Variants in PAPOLA observed in about 807,000 individuals in gnomAD.
PAPOLA encodes poly(A) polymerase alpha, also known as polynucleotide adenylyltransferase alpha.
A neutral mutation model predicts 100.6 loss-of-function variants in PAPOLA; 15 were observed. The ratio of observed to expected loss-of-function variants is 0.15; its 90% CI spans 0.10 to 0.23. PAPOLA has a LOEUF of 0.23. Among genes scored for constraint, PAPOLA ranks in the 10% least tolerant of loss-of-function variants. PAPOLA has a pLI of 1.00. For synonymous variants in PAPOLA, 293 were observed against 300.0 expected, an observed-to-expected ratio of 0.98 and a Z score of 0.24; for missense variants, 533 against 884.2, an observed-to-expected ratio of 0.60 and a Z score of 5.04.
intron 15 of PAPOLA, among the ~76,000 whole-genome samples, chr14:96,546,944 A>C (rs1900439148): frequency 6.6e-6 from 1 of 152,098 alleles, no homozygotes; most frequent in African/African-American, 2.4e-5. Flanking sequence ...AGGTACTCTC[A>C]GCTTACATCC....
At position 96,552,559 on chromosome 14, in the gene PAPOLA, C is replaced by A. The variant is rs570064395; in HGVS notation, c.1601C>A (p.Ser534Tyr). 6.2e-7 allele frequency: 1 copy of A among 1,613,900 alleles called. No individual in the cohort carries two copies. The highest frequency in any genetic ancestry group is 8.5e-7 in the Non-Finnish European group (1 of 1,179,748). Residue 534 changes from serine (S) to tyrosine (Y), a missense_variant, in exon 17 of 22, where the codon TCT (serine) becomes TAT (tyrosine). By Grantham distance (144) the Ser-to-Tyr change is moderately radical (BLOSUM62 -2). Transcript: ENST00000216277. The stretch of plus-strand genomic sequence containing the variant: ...TCTATGGACAGTGATAACAGCATGT[C>A]TGTGCCTTCACCTACTAGTGCTACG... ...DLSMDSDNSM[S>Y]VPSPTSATKT...
chr14:96,535,797 G>C, intron 10 of PAPOLA, 82 bp from the exon 11 acceptor site: 1 of 1,163,760 alleles, frequency 8.6e-7, no homozygotes. Context: ...AGAATCATTG[G>C]TTCAGTTTAA....
At chr14:96,554,216 T>C (rs1901098409) in intron 17 of PAPOLA, among the ~76,000 whole-genome samples, 1 of 152,262 alleles carries the variant, frequency 6.6e-6, no homozygotes, top group Non-Finnish European at 1.5e-5. Flanking sequence ...TACGATTGTA[T>C]ATTTGCTCAA....
rs1406450990 is a variant in PAPOLA at position 96,502,592 on chromosome 14, G to A, written c.-1G>A. On this transcript the variant is annotated 5_prime_UTR_variant, in exon 1 of 22. Coordinates refer to ENST00000216277, the MANE Select transcript of PAPOLA (RefSeq NM_032632.5). ...ACTGGGCGGTGCCGGCGCCGGAGAC[G>A]ATGCCGTTGTAAGTAATTTGTATTC... 1.3e-6 allele frequency: 2 copies of A among 1,572,796 alleles called. No individual in the cohort carries two copies. The highest frequency in any genetic ancestry group is 1.2e-5 in the South Asian group (1 of 86,318).
intron 3 of PAPOLA, among the ~76,000 whole-genome samples, chr14:96,521,399 C>G (rs900041948): frequency 2.0e-5 from 3 of 152,170 alleles, no homozygotes. Flanking sequence ...ATATTTGAGA[C>G]TCTTCTTACC....
chr14:96,536,815 G>A (rs1283794379), intron 11 of PAPOLA, 161 bp from the exon 12 acceptor site: 2 of 463,542 alleles, frequency 4.3e-6, no homozygotes, highest in African/African-American at 2.0e-5. Flanking sequence ...AAAAAAATGT[G>A]TATATATATA....
chr14:96,518,619 G>T (rs991866253), intron 1 of PAPOLA, among the ~76,000 whole-genome samples: 73 of 151,858 alleles, frequency 4.8e-4, no homozygotes, highest in Non-Finnish European at 8.5e-4. Flanking sequence ...CTGTGGTCTC[G>T]ATCTCCTGAC....
At chr14:96,545,381 T>TAC (rs1214221935) in intron 15 of PAPOLA, among the ~76,000 whole-genome samples, 8 of 152,072 alleles carry the variant, frequency 5.3e-5, no homozygotes, top group Non-Finnish European at 1.0e-4. Flanking sequence ...GTGTGACATC[T>TAC]ATAAATTCTG....
In PAPOLA at chr14:96,543,430, ACT is replaced by A. The variant is rs1424454417; in HGVS notation, c.1289+540_1289+541del. Reference sequence around the variant, plus strand: ...TTGTTTGCTGTTCGTATGAGACTAGACTCTATACTTTGTTGCATTGGAGAATT... The same window carrying A: ...TTGTTTGCTGTTCGTATGAGACTAGACTATACTTTGTTGCATTGGAGAATT... On this transcript the variant is annotated intron_variant, in intron 14 of 21. Transcript: ENST00000216277. Among the ~76,000 whole-genome samples the A allele has an allele frequency of 3.9e-5, 6 of 152,102 alleles. No homozygotes were observed. The East Asian group carries it at 9.7e-4, about 24-fold the overall frequency.
At position 96,522,112 on chromosome 14, in the gene PAPOLA, C is replaced by CTTTTTTTTTTTTTTTT. The variant is rs1350167869; in HGVS notation, c.249+1043_249+1044insTTTTTTTTTTTTTTTT. Reference sequence around the variant, plus strand: ...GCCACTGCATCTAGCCTCTTTCTTTCTTTCTTTTTTTTTTTTTTTTTTTTT... The same window carrying CTTTTTTTTTTTTTTTT: ...GCCACTGCATCTAGCCTCTTTCTTTCTTTTTTTTTTTTTTTTTTTCTTTTTTTTTTTTTTTTTTTTT... On this transcript the variant is annotated intron_variant, in intron 3 of 21. Transcript: ENST00000216277. 1.2e-4 allele frequency among the ~76,000 whole-genome samples: 12 copies of CTTTTTTTTTTTTTTTT among 98,710 alleles called. 3 individuals are homozygous for CTTTTTTTTTTTTTTTT. Among genetic ancestry groups the CTTTTTTTTTTTTTTTT allele is most frequent in the South Asian group, 1.2e-3 (3 of 2,518 alleles). The allele number at this position is 98,710 out of a possible 152,430, so 64.8% of individuals were successfully genotyped here. A position where few individuals can be genotyped will look rare whatever the true frequency, so the allele number is the denominator to read the frequency against.
chr14:96,563,147 A>G (rs779713310), intron 21 of PAPOLA, among the ~76,000 whole-genome samples: 11 of 152,214 alleles, frequency 7.2e-5, no homozygotes, highest in Non-Finnish European at 1.5e-4. Context: ...AATCATTTAA[A>G]TTCTCACTAG....
chr14:96,563,582 CTGAGA>C, intron 21 of PAPOLA, among the ~76,000 whole-genome samples: 1 of 152,230 alleles, frequency 6.6e-6, no homozygotes, highest in East Asian at 1.9e-4. Flanking sequence ...TACAAAGTAA[CTGAGA>C]TAACAACTGC....
chr14:96,525,211 G>A (rs1271129669), intron 3 of PAPOLA, 99 bp from the exon 4 acceptor site: 2 of 662,182 alleles, frequency 3.0e-6, no homozygotes, highest in Non-Finnish European at 5.4e-6. Context: ...AATTTACACT[G>A]TAATCTTTCT....
At chr14:96,507,369 G>T (rs903584551) in intron 1 of PAPOLA, among the ~76,000 whole-genome samples, 1 of 132,516 alleles carries the variant, frequency 7.5e-6, no homozygotes, top group Non-Finnish European at 1.5e-5. Context: ...CTCACTGCAA[G>T]CTCCGTCTTC....
In PAPOLA at chr14:96,536,792, C is replaced by G. The variant is rs1460476183; in HGVS notation, c.1031-184C>G. ...AGAAACCTGGTTCTCAAAAAATCTTCCAGCTTTTTAAAAAAAAAATGTGTA... is the reference window on the plus strand; with the variant it reads ...AGAAACCTGGTTCTCAAAAAATCTTGCAGCTTTTTAAAAAAAAAATGTGTA... On this transcript the variant is annotated intron_variant, in intron 11 of 21. Coordinates refer to ENST00000216277, the MANE Select transcript of PAPOLA (RefSeq NM_032632.5). 1.2e-5 allele frequency: 5 copies of G among 425,448 alleles called. No individual in the cohort carries two copies. In the South Asian group the frequency reaches 2.9e-4, roughly 25 times the overall value. 26.4% of individuals were successfully genotyped at this position (425,448 alleles called of 1,614,324 possible).
In PAPOLA at chr14:96,538,589, A is replaced by G. The variant is rs76290712; in HGVS notation, c.1115+1529A>G. On this transcript the variant is annotated intron_variant, in intron 12 of 21. Transcript: ENST00000216277. ...AAAAAAAGCAGCAACAAATAGAGGA[A>G]ATTACATCAGGAAAATTTGCATTTC... 4.1e-3 allele frequency among the ~76,000 whole-genome samples: 620 copies of G among 152,120 alleles called. 5 individuals carry two copies. Among genetic ancestry groups the G allele is most frequent in the African/African-American group, 0.014 (596 of 41,562 alleles).
chr14:96,528,855 A>C (rs998827414), intron 6 of PAPOLA, among the ~76,000 whole-genome samples: 1 of 152,242 alleles, frequency 6.6e-6, no homozygotes, highest in Non-Finnish European at 1.5e-5. Context: ...GTAGACATAA[A>C]ATGTTAAATT....
At chr14:96,505,874 C>CTTCCTTCCTTCCTTGCTTGA (rs944184623) in intron 1 of PAPOLA, among the ~76,000 whole-genome samples, 3 of 151,776 alleles carry the variant, frequency 2.0e-5, no homozygotes, top group Non-Finnish European at 4.4e-5. Flanking sequence ...TAGTCATTTC[C>CTTCCTTCCTTCCTTGCTTGA]TTCCTTCCTT....
At chr14:96,548,742 G>C (rs1240543404) in intron 16 of PAPOLA, among the ~76,000 whole-genome samples, 1 of 152,178 alleles carries the variant, frequency 6.6e-6, no homozygotes, top group South Asian at 2.1e-4. Flanking sequence ...TGAAATAAAA[G>C]TATATGTTAC....
Sources: gnomAD v4.1 joint callset for allele counts (sites outside exome capture counted in the v4.1 genomes callset) on GRCh38, gnomAD v4.1.1 for gene constraint, MANE v1.5 for transcripts, NCBI Gene and HGNC (gene_info 2026-07-23, HGNC 2026-07-21) for gene names.